LAMC1: variants seen among roughly 807,000 people sequenced by gnomAD.
LAMC1 encodes the protein laminin subunit gamma-1.
A neutral mutation model predicts 173.6 loss-of-function variants in LAMC1; 38 were observed. The ratio of observed to expected loss-of-function variants is 0.22; its 90% CI spans 0.17 to 0.29. The LOEUF (loss-of-function observed/expected upper bound fraction) is 0.29. LAMC1 is among the 10% of genes least tolerant of loss of function. LAMC1 has a pLI of 1.00. For missense variants in LAMC1, 1,824 were observed against 2,051.8 expected (o/e 0.89, Z 2.14); for synonymous variants, 746 against 749.1 (o/e 1.00, Z 0.07).
Position 183,127,279 on chromosome 1 carries a change from C to T in LAMC1, c.2998C>T (p.Arg1000Cys), listed in dbSNP as rs187054848. The T allele has an allele frequency of 2.6e-5, 42 of 1,614,072 alleles. No homozygotes were observed. In the Admixed American group the frequency reaches 4.0e-4, roughly 15 times the overall value. ...SLSLQCKDDG[R>C]CECREGFVGN... The stretch of plus-strand genomic sequence containing the variant: ...TTCACTTCAGTGCAAAGATGATGGT[C>T]GCTGTGAATGCAGAGAAGGCTTTGT... The change falls in exon 17 of 28, where the codon CGC becomes TGC. Residue 1000 changes from arginine to cysteine, a missense_variant. Coordinates refer to ENST00000258341, the MANE Select transcript of LAMC1 (RefSeq NM_002293.4).
At chr1:183,130,117 C>T (rs1203893670) in intron 18 of LAMC1, among the ~76,000 whole-genome samples, 1 of 152,072 alleles carries the variant, frequency 6.6e-6, no homozygotes, top group African/African-American at 2.4e-5. Flanking sequence ...AGAAAGAGTT[C>T]GTAGTCAAGT....
chr1:183,128,474 A>ATT (rs1558057585), intron 17 of LAMC1, 120 bp from the exon 18 acceptor site: 11 of 558,714 alleles, frequency 2.0e-5, no homozygotes, highest in Admixed American at 1.3e-4. Flanking sequence ...AATAATTAAA[A>ATT]AAAAAAAAAA....
chr1:183,109,225 G>A (rs1246982368), intron 3 of LAMC1, among the ~76,000 whole-genome samples: 2 of 152,152 alleles, frequency 1.3e-5, no homozygotes, highest in African/African-American at 4.8e-5. Flanking sequence ...AAAGTTGATG[G>A]GAACTGTACC....
rs770292137 is a variant in LAMC1, at chr1:183,116,617, A to T, written c.1369A>T (p.Asn457Tyr). The T allele has an allele frequency of 1.2e-6, 2 of 1,613,264 alleles. No homozygotes were observed. Among genetic ancestry groups the T allele is most frequent in the Admixed American group, 3.3e-5 (2 of 60,014 alleles). ...TCCCTCTGGCAGCATAGATGAATGT[A>T]ATATTGAAACAGGAAGATGTGTTTG... ...CDPSGSIDEC[N>Y]IETGRCVCKD... The change falls in exon 7 of 28, where the codon AAT (asparagine) becomes TAT (tyrosine). Residue 457 changes from asparagine (N) to tyrosine (Y), a missense_variant. Asn to Tyr is a moderately radical substitution (Grantham distance 143, BLOSUM62 -2). Transcript: ENST00000258341.
chr1:183,126,370 C>T (rs1276154585), intron 16 of LAMC1, 108 bp downstream of exon 16: 14 of 1,111,280 alleles, frequency 1.3e-5, no homozygotes, highest in Non-Finnish European at 1.7e-5. Context: ...GACTCATAGT[C>T]AGGGCTGTAC....
intron 24 of LAMC1, among the ~76,000 whole-genome samples, chr1:183,135,358 C>T (rs1656908773): frequency 6.6e-6 from 1 of 151,988 alleles, no homozygotes; most frequent in South Asian, 2.1e-4. Flanking sequence ...AAGATGTTTT[C>T]TTATTAGGCA....
chr1:183,131,580 G>GA (rs759683236), intron 20 of LAMC1, among the ~76,000 whole-genome samples: 17 of 151,906 alleles, frequency 1.1e-4, no homozygotes, highest in Non-Finnish European at 2.1e-4. Context: ...TTTGACATTA[G>GA]AATATTCACT....
chr1:183,051,569 C>T (rs1008849201), intron 1 of LAMC1, among the ~76,000 whole-genome samples: 1 of 152,220 alleles, frequency 6.6e-6, no homozygotes, highest in African/African-American at 2.4e-5. Context: ...TTTGGAGTAG[C>T]TTGTTGTGCA....
chr1:183,140,456 C>A lies in LAMC1; in HGVS notation c.4526C>A (p.Ser1509Tyr), dbSNP rs762757397. Reference protein sequence around the residue: ...AEINARKAKNSVTSLLSIIND... With the variant: ...AEINARKAKNYVTSLLSIIND... Reference sequence around the variant, plus strand: ...ATCAATGCCAGAAAAGCCAAAAACTCTGTTACTAGCCTCCTCAGCATTATT... The same window carrying A: ...ATCAATGCCAGAAAAGCCAAAAACTATGTTACTAGCCTCCTCAGCATTATT... The change falls in exon 27 of 28, where the codon TCT becomes TAT. Residue 1509 changes from serine (S) to tyrosine (Y), a missense_variant. Physicochemically the swap from Ser to Tyr is moderately radical, Grantham distance 144. Transcript: ENST00000258341. 6.2e-7 allele frequency: 1 copy of A among 1,613,722 alleles called. No individual in the cohort carries two copies. The highest frequency in any genetic ancestry group is 1.3e-5 in the African/African-American group (1 of 75,012).
chr1:183,026,645 C>G (rs558972834), intron 1 of LAMC1, among the ~76,000 whole-genome samples: 8 of 152,314 alleles, frequency 5.3e-5, no homozygotes, highest in African/African-American at 1.9e-4. Flanking sequence ...TACCCTTAAA[C>G]AAGTGATGCA....
In LAMC1 at chr1:183,065,733, A is replaced by T. The variant is rs1051231589; in HGVS notation, c.419-37595A>T. Among the ~76,000 whole-genome samples, 24 of 152,312 alleles carry T rather than the reference A, an allele frequency of 1.6e-4. No individual in the cohort carries two copies. In the East Asian group the frequency reaches 4.4e-3, roughly 28 times the overall value. On this transcript the variant is annotated intron_variant, in intron 1 of 27. Coordinates refer to ENST00000258341, the MANE Select transcript of LAMC1 (RefSeq NM_002293.4). ...CATTAATATTTTAAAATTAAGTTTG[A>T]TTCAGTGTGAATATGTCTTTGGAAG... is the stretch of plus-strand genomic sequence containing the variant.
Position 183,140,413 on chromosome 1 carries a change from G to T in LAMC1, c.4483G>T (p.Ala1495Ser), listed in dbSNP as rs1282296023. 2 of 1,611,808 alleles carry T rather than the reference G, an allele frequency of 1.2e-6. No homozygotes were observed. The highest frequency in any genetic ancestry group is 1.1e-5 in the South Asian group (1 of 90,968). ...DMMMAGMASQ[A>S]AQEAEINARK... is the part of the protein sequence containing the mutation. ...CATTTTTCCCTTACAGGCTTCACAG[G>T]CTGCTCAAGAAGCCGAGATCAATGC... The change falls in exon 27 of 28, where the codon GCT becomes TCT. Residue 1495 changes from alanine to serine, a missense_variant. Ala to Ser is a moderately conservative substitution (Grantham distance 99). Coordinates refer to ENST00000258341, the MANE Select transcript of LAMC1 (RefSeq NM_002293.4).
intron 11 of LAMC1, among the ~76,000 whole-genome samples, chr1:183,118,803 ATTATAAT>A (rs1281091712): frequency 2.0e-5 from 3 of 152,040 alleles, no homozygotes; most frequent in Non-Finnish European, 4.4e-5. Flanking sequence ...CTGTTGTGTA[ATTATAAT>A]TTATAATTTG....
chr1:183,065,327 T>C (rs997512521), intron 1 of LAMC1, among the ~76,000 whole-genome samples: 1 of 152,188 alleles, frequency 6.6e-6, no homozygotes, highest in African/African-American at 2.4e-5. Context: ...AATTGACTTA[T>C]GTGATTGTAG....
intron 1 of LAMC1, among the ~76,000 whole-genome samples, chr1:183,040,140 T>C (rs1654088616): frequency 6.6e-6 from 1 of 152,220 alleles, no homozygotes; most frequent in South Asian, 2.1e-4. Context: ...CTTTTAACCA[T>C]GCCTGACTGA....
At chr1:183,093,456 T>C (rs1655615163) in intron 1 of LAMC1, among the ~76,000 whole-genome samples, 1 of 152,184 alleles carries the variant, frequency 6.6e-6, no homozygotes, top group South Asian at 2.1e-4. Context: ...CTCTCCAGTC[T>C]CCTTTTCTGG....
chr1:183,133,691 T>G, intron 22 of LAMC1, 141 bp downstream of exon 22: 1 of 781,266 alleles, frequency 1.3e-6, no homozygotes, highest in East Asian at 3.0e-5. Flanking sequence ...CTAATAGAAC[T>G]TACCAAGGTA....
chr1:183,075,787 T>C (rs1258488319), intron 1 of LAMC1, among the ~76,000 whole-genome samples: 2 of 152,188 alleles, frequency 1.3e-5, no homozygotes. Context: ...TGTTAGTTTG[T>C]ATAGTAGAGT....
At chr1:183,059,785 GAAAC>G (rs1320204950) in intron 1 of LAMC1, among the ~76,000 whole-genome samples, 1 of 152,194 alleles carries the variant, frequency 6.6e-6, no homozygotes, top group Non-Finnish European at 1.5e-5. Flanking sequence ...ATATTCGTAG[GAAAC>G]CACAGAATCT....
Sources: gnomAD v4.1 joint callset for allele counts (sites outside exome capture counted in the v4.1 genomes callset) on GRCh38, gnomAD v4.1.1 for gene constraint, MANE v1.5 for transcripts, NCBI Gene and HGNC (gene_info 2026-07-23, HGNC 2026-07-21) for gene names.